Variants in GPR158 observed in about 807,000 individuals in gnomAD.
GPR158 encodes metabotropic glycine receptor.
A neutral mutation model predicts 78.2 loss-of-function variants in GPR158; 30 were observed. That is an observed-to-expected ratio of 0.38 (90% CI 0.29 to 0.52). The LOEUF is 0.52. Ranked by LOEUF, GPR158 falls within the 20% of genes least tolerant of loss-of-function variation. GPR158 has a pLI of 0.83. For synonymous variants in GPR158, 581 were observed against 591.1 expected (o/e 0.98, Z 0.25); for missense variants, 1,463 against 1,523.5 (o/e 0.96, Z 0.66).
chr10:25,253,980 T>C (rs1853853147), intron 2 of GPR158, among the ~76,000 whole-genome samples: 1 of 152,212 alleles, frequency 6.6e-6, no homozygotes, highest in African/African-American at 2.4e-5. Context: ...CTAACATAAT[T>C]AGCATTGTTT....
chr10:25,591,953 G>A (rs528011105), intron 8 of GPR158, among the ~76,000 whole-genome samples: 1 of 151,986 alleles, frequency 6.6e-6, no homozygotes, highest in South Asian at 2.1e-4. Context: ...AATCAAGTAT[G>A]TACAATGTCT....
At chr10:25,313,995 T>C (rs1294933832) in intron 2 of GPR158, among the ~76,000 whole-genome samples, 1 of 152,206 alleles carries the variant, frequency 6.6e-6, no homozygotes, top group Non-Finnish European at 1.5e-5. Flanking sequence ...TTTAAAACTT[T>C]CTCTATTTAG....
chr10:25,294,461 T>C (rs530888069), intron 2 of GPR158, among the ~76,000 whole-genome samples: 1 of 152,362 alleles, frequency 6.6e-6, no homozygotes, highest in South Asian at 2.1e-4. Flanking sequence ...TGCTGAATTT[T>C]CTGAGTCGTG....
intron 1 of GPR158, among the ~76,000 whole-genome samples, chr10:25,202,095 A>T (rs1364992445): frequency 1.3e-5 from 2 of 151,788 alleles, no homozygotes; most frequent in African/African-American, 4.8e-5. Flanking sequence ...TTGGCTGTGA[A>T]TTTTTCTGGT....
chr10:25,231,307 G>C (rs1045998034), intron 2 of GPR158, among the ~76,000 whole-genome samples: 4 of 151,986 alleles, frequency 2.6e-5, no homozygotes, highest in Non-Finnish European at 5.9e-5. Context: ...TGCAAATCTG[G>C]GATAATCTGA....
chr10:25,406,041 T>C (rs1834510580), intron 3 of GPR158, among the ~76,000 whole-genome samples: 1 of 152,052 alleles, frequency 6.6e-6, no homozygotes. Flanking sequence ...AAGCTTTTCA[T>C]GCCCTGCATC....
intron 2 of GPR158, among the ~76,000 whole-genome samples, chr10:25,275,294 C>G (rs1354985780): frequency 6.6e-6 from 1 of 152,116 alleles, no homozygotes; most frequent in African/African-American, 2.4e-5. Flanking sequence ...GAAGTCCACC[C>G]CAAACCTTCT....
intron 1 of GPR158, among the ~76,000 whole-genome samples, chr10:25,185,067 G>A: frequency 6.6e-6 from 1 of 152,184 alleles, no homozygotes; most frequent in East Asian, 1.9e-4. Flanking sequence ...CCCTGCCAGT[G>A]TGAAAACCGA....
At chr10:25,377,286 C>T (rs1199565506) in intron 2 of GPR158, among the ~76,000 whole-genome samples, 2 of 151,826 alleles carry the variant, frequency 1.3e-5, no homozygotes, top group African/African-American at 4.8e-5. Context: ...TACCTGCATG[C>T]CATCATGTAT....
At position 25,194,584 on chromosome 10, in the gene GPR158, C is replaced by T. The variant is rs183293755; in HGVS notation, c.902+18262C>T. ...AAGAATGGAAGAGCCAGAAGTGAGA[C>T]GACTTGGAGGAGTTAGAGGAGGCCA... On this transcript the variant is annotated intron_variant, in intron 1 of 10. Transcript: ENST00000376351. 3.9e-3 allele frequency among the ~76,000 whole-genome samples: 597 copies of T among 152,002 alleles called. 1 individual carries two copies. The highest frequency in any genetic ancestry group is 7.4e-3 in the Non-Finnish European group (505 of 67,938).
chr10:25,380,401 C>G (rs547353495), intron 2 of GPR158, among the ~76,000 whole-genome samples: 103 of 152,256 alleles, frequency 6.8e-4, no homozygotes, highest in African/African-American at 2.3e-3. Context: ...TATATGTACT[C>G]TCACACAATT....
chr10:25,193,199 T>G (rs1423826996), intron 1 of GPR158, among the ~76,000 whole-genome samples: 1 of 151,902 alleles, frequency 6.6e-6, no homozygotes, highest in Non-Finnish European at 1.5e-5. Flanking sequence ...ATGGGGGAAA[T>G]GCATAATAAA....
intron 3 of GPR158, among the ~76,000 whole-genome samples, chr10:25,407,470 G>A (rs909034780): frequency 5.9e-5 from 9 of 152,024 alleles, no homozygotes; most frequent in African/African-American, 2.2e-4. Flanking sequence ...TATTTTCGGT[G>A]CAGGCCTTTT....
chr10:25,534,731 G>A (rs7096556), intron 5 of GPR158, among the ~76,000 whole-genome samples: 61,727 of 151,962 alleles, frequency 0.41, 12,740 homozygotes, highest in East Asian at 0.56. Flanking sequence ...TTCAGCCTGC[G>A]TGACAGAGCA....
intron 7 of GPR158, among the ~76,000 whole-genome samples, chr10:25,579,984 T>G (rs1837166158): frequency 1.3e-5 from 2 of 152,192 alleles, no homozygotes; most frequent in South Asian, 4.1e-4. Flanking sequence ...CTGTTATAAA[T>G]TAAGTTCTCT....
At chr10:25,309,204 C>T (rs1312609785) in intron 2 of GPR158, among the ~76,000 whole-genome samples, 1 of 143,764 alleles carries the variant, frequency 7.0e-6, no homozygotes, top group African/African-American at 2.9e-5. Flanking sequence ...TTGCCATAGC[C>T]TTGTTATTTT....
intron 9 of GPR158, 74 bp from the exon 10 acceptor site, chr10:25,596,569 A>G (rs983075466): frequency 2.8e-5 from 23 of 821,868 alleles, no homozygotes; most frequent in Non-Finnish European, 4.5e-5. Context: ...AGATATAGGT[A>G]TAGATATAGA....
chr10:25,215,233 G>A (rs2130675037), intron 1 of GPR158, among the ~76,000 whole-genome samples: 1 of 152,228 alleles, frequency 6.6e-6, no homozygotes, highest in Admixed American at 6.5e-5. Context: ...GAACCTCGGG[G>A]ACATTATACT....
chr10:25,368,429 T>G (rs1344753534), intron 2 of GPR158, among the ~76,000 whole-genome samples: 1 of 151,788 alleles, frequency 6.6e-6, no homozygotes, highest in Non-Finnish European at 1.5e-5. Flanking sequence ...GCCAAAGACA[T>G]GAATAAACAC....
Sources: allele counts gnomAD v4.1 joint callset (sites outside exome capture counted in the v4.1 genomes callset), GRCh38; gene constraint gnomAD v4.1.1; transcripts MANE v1.5; gene names NCBI Gene and HGNC (gene_info 2026-07-23, HGNC 2026-07-21).